The following ACTR3C variants were observed in gnomAD, a reference collection of about 807,000 sequenced individuals.
The protein encoded by ACTR3C is actin related protein 3C, also known as actin-related protein 3C.
In ACTR3C, 18 loss-of-function variants were observed where a neutral mutation model predicts 26.3. The ratio of observed to expected loss-of-function variants is 0.68; its 90% CI spans 0.47 to 1.01. The LOEUF (loss-of-function observed/expected upper bound fraction) is 1.01, where lower values mean the gene tolerates loss of function less well. ACTR3C is among the 50% of genes least tolerant of loss of function. The pLI is 0.00. For missense variants in ACTR3C, 184 were observed against 250.7 expected (o/e 0.73, Z 1.80); for synonymous variants, 55 against 94.5 (o/e 0.58, Z 2.42).
the ACTR3C span, among the ~76,000 whole-genome samples, chr7:149,948,746 CA>C: frequency 6.6e-6 from 1 of 152,040 alleles, no homozygotes; most frequent in Admixed American, 6.5e-5. Context: ...GCCACAGCCT[CA>C]GGCAAGCCAT....
the ACTR3C span, among the ~76,000 whole-genome samples, chr7:150,141,597 T>A: frequency 2.6e-5 from 4 of 151,874 alleles, no homozygotes; most frequent in Admixed American, 2.6e-4. Flanking sequence ...AAGCATCGGA[T>A]GGGAACGGAG....
At chr7:150,128,423 G>A in the ACTR3C span, among the ~76,000 whole-genome samples, 6 of 152,246 alleles carry the variant, frequency 3.9e-5, no homozygotes, top group Admixed American at 2.6e-4. Flanking sequence ...ATAGGTTCAC[G>A]TTAGTTTCCC....
chr7:149,900,238 C>T, the ACTR3C span, among the ~76,000 whole-genome samples: 16 of 151,908 alleles, frequency 1.1e-4, no homozygotes, highest in Non-Finnish European at 2.1e-4. Flanking sequence ...TGCAGTGGCG[C>T]GATCTCAGCT....
chr7:150,165,626 G>A, the ACTR3C span, among the ~76,000 whole-genome samples: 2 of 152,144 alleles, frequency 1.3e-5, no homozygotes. Flanking sequence ...AGGGGTCTGT[G>A]TGGCTCTCAA....
intron 1 of ACTR3C, among the ~76,000 whole-genome samples, chr7:150,308,511 C>T (rs193115597): frequency 0.012 from 1,868 of 152,080 alleles, 31 homozygotes; most frequent in Non-Finnish European, 0.017. Flanking sequence ...TACTTCGTTC[C>T]CTCCCTAGCC....
At chr7:150,040,223 G>A in the ACTR3C span, among the ~76,000 whole-genome samples, 1,169 of 147,154 alleles carry the variant, frequency 7.9e-3, 44 homozygotes, top group African/African-American at 0.027. Context: ...TCTAATAGGG[G>A]GGCCATCCTT....
chr7:150,172,775 T>C, the ACTR3C span, among the ~76,000 whole-genome samples: 3 of 150,734 alleles, frequency 2.0e-5, no homozygotes, highest in East Asian at 5.8e-4. Context: ...GTACCAGTAT[T>C]GGGTAAATAT....
chr7:150,267,132 G>A (rs1346459157), intron 6 of ACTR3C, among the ~76,000 whole-genome samples: 12 of 152,158 alleles, frequency 7.9e-5, no homozygotes, highest in Non-Finnish European at 1.6e-4. Flanking sequence ...GTCGCTCGCT[G>A]AGGCGCTCCC....
chr7:150,115,450 C>T, the ACTR3C span, among the ~76,000 whole-genome samples: 1 of 152,220 alleles, frequency 6.6e-6, no homozygotes. Flanking sequence ...GGATGTCATG[C>T]TAAAGCTGTG....
chr7:149,992,651 C>T, the ACTR3C span, among the ~76,000 whole-genome samples: 4 of 152,184 alleles, frequency 2.6e-5, no homozygotes, highest in African/African-American at 4.8e-5. Flanking sequence ...ACATGGGTTC[C>T]GTGAGGCCCC....
At chr7:150,251,762 G>A (rs1029542375) in intron 6 of ACTR3C, among the ~76,000 whole-genome samples, 4 of 152,010 alleles carry the variant, frequency 2.6e-5, no homozygotes, top group African/African-American at 9.7e-5. Flanking sequence ...GAAAATTACT[G>A]TGTATACTCA....
chr7:150,028,533 G>A, the ACTR3C span, among the ~76,000 whole-genome samples: 4 of 152,304 alleles, frequency 2.6e-5, no homozygotes, highest in Non-Finnish European at 5.9e-5. Context: ...GTCTCCAAGT[G>A]TCCTTCAGAC....
the ACTR3C span, among the ~76,000 whole-genome samples, chr7:150,041,912 G>T: frequency 2.8e-4 from 1 of 3,568 alleles, no homozygotes; most frequent in Non-Finnish European, 5.8e-4. Flanking sequence ...CTCAGAGCCA[G>T]GGGGGGAAGA....
the ACTR3C span, among the ~76,000 whole-genome samples, chr7:150,191,488 A>AT: frequency 6.6e-6 from 1 of 152,200 alleles, no homozygotes; most frequent in Non-Finnish European, 1.5e-5. Context: ...TTGAATGGTA[A>AT]TTTTTAAACT....
chr7:150,299,103 C>T (rs1795193436), intron 1 of ACTR3C, among the ~76,000 whole-genome samples: 1 of 150,598 alleles, frequency 6.6e-6, no homozygotes, highest in Non-Finnish European at 1.5e-5. Context: ...CTGCCTCTGC[C>T]TCCAGAGTAG....
At chr7:150,008,086 G>A in the ACTR3C span, among the ~76,000 whole-genome samples, 3 of 152,154 alleles carry the variant, frequency 2.0e-5, no homozygotes, top group African/African-American at 4.8e-5. Context: ...CTGGAGACTC[G>A]CATTCCACGT....
At chr7:149,994,313 C>A in the ACTR3C span, among the ~76,000 whole-genome samples, 4 of 152,114 alleles carry the variant, frequency 2.6e-5, no homozygotes, top group African/African-American at 9.7e-5. Context: ...TAAAGAGGGG[C>A]TTGGCCGGGC....
chr7:150,040,874 G>A, the ACTR3C span, among the ~76,000 whole-genome samples: 10 of 148,886 alleles, frequency 6.7e-5, 2 homozygotes, highest in Non-Finnish European at 8.9e-5. Context: ...CAACCACCAC[G>A]AAATGGGAGG....
In ACTR3C at chr7:150,292,073, C is replaced by T. The variant is rs192620668; in HGVS notation, c.153+1239G>A. On this transcript the variant is annotated intron_variant, in intron 3 of 7. Coordinates refer to ENST00000683684, the MANE Select transcript of ACTR3C (RefSeq NM_001164458.2). ...TATTAGTACATCACCCCATCACCTTCTCAAAATGAAATGGTGACCATTTTT... is the reference window on the plus strand; with the variant it reads ...TATTAGTACATCACCCCATCACCTTTTCAAAATGAAATGGTGACCATTTTT... 3.0e-3 allele frequency among the ~76,000 whole-genome samples: 455 copies of T among 149,906 alleles called. 7 individuals carry two copies. The highest frequency in any genetic ancestry group is 0.019 in the South Asian group (84 of 4,506).
Sources: gnomAD v4.1 joint callset for allele counts (sites outside exome capture counted in the v4.1 genomes callset) on GRCh38, gnomAD v4.1.1 for gene constraint, MANE v1.5 for transcripts, NCBI Gene and HGNC (gene_info 2026-07-23, HGNC 2026-07-21) for gene names.